Variants in KCND2 observed in about 807,000 individuals in gnomAD.
KCND2 encodes A-type voltage-gated potassium channel KCND2.
KCND2 carries 16 observed loss-of-function variants against 54.4 expected under a neutral mutation model. That is an observed-to-expected ratio of 0.29 (90% confidence interval 0.20 to 0.45). The LOEUF (loss-of-function observed/expected upper bound fraction) is 0.45, where lower values mean the gene tolerates loss of function less well. Ranked by LOEUF, KCND2 falls within the 20% of genes least tolerant of loss-of-function variation. The probability of loss-of-function intolerance (pLI) is 1.00; values close to 1 mark genes in which losing one functional copy is unlikely to be tolerated. For missense variants in KCND2, 486 were observed against 824.2 expected (o/e 0.59, Z 5.02); for synonymous variants, 317 against 310.7 (o/e 1.02, Z -0.21).
chr7:120,284,628 C>A (rs546783198), intron 1 of KCND2, among the ~76,000 whole-genome samples: 1 of 152,042 alleles, frequency 6.6e-6, no homozygotes, highest in Non-Finnish European at 1.5e-5. Context: ...TTTTGACTTG[C>A]TAGGCTCGTT....
At chr7:120,604,156 TGTAA>T (rs1490891788) in intron 1 of KCND2, among the ~76,000 whole-genome samples, 4 of 152,164 alleles carry the variant, frequency 2.6e-5, no homozygotes, top group Non-Finnish European at 5.9e-5. Flanking sequence ...GCTGCTACTA[TGTAA>T]GTGAGTGTGC....
intron 1 of KCND2, among the ~76,000 whole-genome samples, chr7:120,530,824 C>T (rs527829538): frequency 1.3e-5 from 2 of 152,068 alleles, no homozygotes; most frequent in Admixed American, 6.6e-5. Context: ...TTGACACTAC[C>T]GTATTATTAT....
intron 1 of KCND2, among the ~76,000 whole-genome samples, chr7:120,345,100 G>T (rs1490970830): frequency 1.5e-5 from 2 of 129,044 alleles, no homozygotes; most frequent in Non-Finnish European, 3.4e-5. Flanking sequence ...GAAATGAGAA[G>T]AACTTACTCT....
intron 1 of KCND2, among the ~76,000 whole-genome samples, chr7:120,408,834 A>C (rs1281872663): frequency 5.3e-5 from 8 of 151,912 alleles, no homozygotes; most frequent in Admixed American, 5.3e-4. Context: ...CATAGTACAT[A>C]TTTGAAGACC....
At chr7:120,355,301 C>T (rs1401691603) in intron 1 of KCND2, among the ~76,000 whole-genome samples, 2 of 152,190 alleles carry the variant, frequency 1.3e-5, no homozygotes, top group Admixed American at 6.5e-5. Flanking sequence ...AATCCCAGTG[C>T]TTTGAGAGGC....
chr7:120,667,086 TCAA>T (rs1791936138), intron 1 of KCND2, among the ~76,000 whole-genome samples: 2 of 152,054 alleles, frequency 1.3e-5, no homozygotes, highest in South Asian at 4.1e-4. Flanking sequence ...TGAACTTCAA[TCAA>T]CAATCACTTC....
intron 1 of KCND2, among the ~76,000 whole-genome samples, chr7:120,730,015 T>C (rs1792785298): frequency 1.3e-5 from 2 of 152,148 alleles, no homozygotes; most frequent in Admixed American, 6.6e-5. Context: ...GACATAGTGA[T>C]CCTAGAATAC....
intron 1 of KCND2, among the ~76,000 whole-genome samples, chr7:120,565,596 A>C (rs1184341183): frequency 2.0e-5 from 3 of 152,212 alleles, no homozygotes; most frequent in African/African-American, 7.2e-5. Flanking sequence ...TGGATGTAAG[A>C]GTAATTCTGC....
chr7:120,385,790 T>C (rs1338101765), intron 1 of KCND2, among the ~76,000 whole-genome samples: 1 of 152,122 alleles, frequency 6.6e-6, no homozygotes, highest in Non-Finnish European at 1.5e-5. Context: ...TTCTCTGCCA[T>C]ATACCGGTAT....
chr7:120,427,714 T>A (rs866627892), intron 1 of KCND2, among the ~76,000 whole-genome samples: 2 of 151,114 alleles, frequency 1.3e-5, no homozygotes, highest in African/African-American at 4.8e-5. Flanking sequence ...AGTAAAAAAA[T>A]GTCAATATTT....
rs1799233417 is a variant in KCND2 at position 120,279,639 on chromosome 7, CTT to C, written c.1115+3893_1115+3894del. Among the ~76,000 whole-genome samples the C allele has an allele frequency of 2.0e-5, 3 of 151,836 alleles. No individual in the cohort carries two copies. The South Asian group carries it at 6.2e-4, about 32-fold the overall frequency. Reference sequence around the variant, plus strand: ...GCGTTACATCTTTGCTGCCAGAAAACTTAGCATAATTGCCATATTTCAATTTT... The same window carrying C: ...GCGTTACATCTTTGCTGCCAGAAAACAGCATAATTGCCATATTTCAATTTT... On this transcript the variant is annotated intron_variant, in intron 1 of 5. Transcript: ENST00000331113.
At chr7:120,380,629 T>G (rs1318389214) in intron 1 of KCND2, among the ~76,000 whole-genome samples, 6 of 152,090 alleles carry the variant, frequency 3.9e-5, no homozygotes, top group Non-Finnish European at 1.5e-5. Context: ...GTATATAGTT[T>G]AGCATTTTAT....
At chr7:120,713,826 T>G (rs971501891) in intron 1 of KCND2, among the ~76,000 whole-genome samples, 1 of 152,322 alleles carries the variant, frequency 6.6e-6, no homozygotes, top group Non-Finnish European at 1.5e-5. Flanking sequence ...TGTGAGGGTA[T>G]GGATTTTGGA....
chr7:120,436,469 C>T (rs1278559493), intron 1 of KCND2, among the ~76,000 whole-genome samples: 1 of 152,156 alleles, frequency 6.6e-6, no homozygotes, highest in Non-Finnish European at 1.5e-5. Flanking sequence ...CAGAGAGAAA[C>T]CTCTGCATAA....
chr7:120,357,876 T>C (rs1800528764), intron 1 of KCND2, among the ~76,000 whole-genome samples: 3 of 152,116 alleles, frequency 2.0e-5, no homozygotes, highest in Admixed American at 2.0e-4. Context: ...CATTTGACTT[T>C]AATTATCTCT....
chr7:120,736,935 A>G (rs902231138), intron 2 of KCND2, among the ~76,000 whole-genome samples: 1 of 151,594 alleles, frequency 6.6e-6, no homozygotes, highest in African/African-American at 2.4e-5. Flanking sequence ...TAAATTTCAC[A>G]TTGACTTAGA....
chr7:120,595,589 G>GTGTATATA (rs1554373398), intron 1 of KCND2, among the ~76,000 whole-genome samples: 1 of 40,436 alleles, frequency 2.5e-5, no homozygotes, highest in Admixed American at 2.9e-4. Flanking sequence ...ATGTGTGTGT[G>GTGTATATA]TGTATATATA....
chr7:120,412,169 C>G (rs1050583475), intron 1 of KCND2, among the ~76,000 whole-genome samples: 5 of 151,976 alleles, frequency 3.3e-5, no homozygotes, highest in African/African-American at 1.2e-4. Flanking sequence ...TGGATTATAG[C>G]TAAACTTTAT....
intron 1 of KCND2, among the ~76,000 whole-genome samples, chr7:120,623,044 GA>G (rs1793121442): frequency 6.6e-6 from 1 of 152,110 alleles, no homozygotes; most frequent in South Asian, 2.1e-4. Context: ...TGGACAAAAA[GA>G]ATGTCAAAAA....
Sources: allele counts gnomAD v4.1 joint callset (sites outside exome capture counted in the v4.1 genomes callset), GRCh38; gene constraint gnomAD v4.1.1; transcripts MANE v1.5; gene names NCBI Gene and HGNC (gene_info 2026-07-23, HGNC 2026-07-21).